The following PARD3B variants were observed in gnomAD, a reference collection of about 807,000 sequenced individuals.
The protein encoded by PARD3B is par-3 family cell polarity regulator beta.
PARD3B carries 103 observed loss-of-function variants against 130.2 expected under a neutral mutation model. That is an observed-to-expected ratio of 0.79 (90% CI 0.67 to 0.93). PARD3B has a LOEUF of 0.93. Ranked by LOEUF, PARD3B falls within the 40% of genes least tolerant of loss-of-function variation. PARD3B has a pLI of 0.00. For synonymous variants in PARD3B, 583 were observed against 553.2 expected (o/e 1.05, Z -0.76); for missense variants, 1,609 against 1,499.2 (o/e 1.07, Z -1.21).
intron 1 of PARD3B, 25 bp downstream of exon 1, chr2:204,546,144 G>A: frequency 1.3e-6 from 2 of 1,550,300 alleles, no homozygotes; most frequent in Non-Finnish European, 1.7e-6. Flanking sequence ...GAGGAGTGGG[G>A]CGCGGCTGCA....
At chr2:204,869,109 A>G (rs994135548) in intron 2 of PARD3B, among the ~76,000 whole-genome samples, 1 of 152,116 alleles carries the variant, frequency 6.6e-6, no homozygotes, top group Non-Finnish European at 1.5e-5. Flanking sequence ...TCAATTATCT[A>G]CTTTATACAG....
intron 2 of PARD3B, among the ~76,000 whole-genome samples, chr2:204,751,518 T>A (rs1261893814): frequency 6.6e-6 from 1 of 152,178 alleles, no homozygotes; most frequent in African/African-American, 2.4e-5. Flanking sequence ...TCTCCAAACT[T>A]CCCTCCAGAT....
At chr2:205,480,157 G>C (rs976242905) in intron 20 of PARD3B, among the ~76,000 whole-genome samples, 2 of 151,946 alleles carry the variant, frequency 1.3e-5, no homozygotes, top group Admixed American at 6.6e-5. Context: ...CACCCGCCTC[G>C]GCCTCCCAGA....
intron 2 of PARD3B, among the ~76,000 whole-genome samples, chr2:204,860,256 A>G (rs79051331): frequency 0.1 from 15,676 of 152,152 alleles, 1,082 homozygotes; most frequent in Non-Finnish European, 0.15. Context: ...CAAATTGTTG[A>G]GCTTTTTGCC....
intron 3 of PARD3B, among the ~76,000 whole-genome samples, chr2:205,039,958 T>C (rs1259549475): frequency 6.6e-6 from 1 of 152,100 alleles, no homozygotes; most frequent in Non-Finnish European, 1.5e-5. Flanking sequence ...TTCTTTTTTT[T>C]GTTTGTTGTG....
chr2:205,583,557 C>T (rs2054082714), intron 22 of PARD3B, among the ~76,000 whole-genome samples: 2 of 152,308 alleles, frequency 1.3e-5, no homozygotes, highest in East Asian at 3.9e-4. Flanking sequence ...CTGTTCTAAG[C>T]ATGTTATGTG....
intron 19 of PARD3B, among the ~76,000 whole-genome samples, chr2:205,437,798 A>G (rs567710612): frequency 1.3e-5 from 2 of 152,316 alleles, no homozygotes; most frequent in Non-Finnish European, 2.9e-5. Context: ...CAGTTTGCTC[A>G]GAAGAATGGG....
At chr2:205,453,077 A>T (rs917456761) in intron 20 of PARD3B, among the ~76,000 whole-genome samples, 1 of 152,198 alleles carries the variant, frequency 6.6e-6, no homozygotes, top group African/African-American at 2.4e-5. Context: ...ACATAAAATA[A>T]CACAAAGAGA....
chr2:205,451,088 G>A (rs990021253), intron 20 of PARD3B, among the ~76,000 whole-genome samples: 4 of 152,164 alleles, frequency 2.6e-5, no homozygotes, highest in Non-Finnish European at 5.9e-5. Context: ...TGATACACAT[G>A]TGTCTCGCCC....
At chr2:205,308,596 C>T (rs1248387098) in intron 18 of PARD3B, among the ~76,000 whole-genome samples, 1 of 98,788 alleles carries the variant, frequency 1.0e-5, no homozygotes, top group Non-Finnish European at 2.0e-5. Flanking sequence ...GAGAGCGAGA[C>T]TCCGTCTCAA....
chr2:204,653,640 A>G (rs2125172043), intron 1 of PARD3B, among the ~76,000 whole-genome samples: 1 of 150,700 alleles, frequency 6.6e-6, no homozygotes, highest in East Asian at 1.9e-4. Flanking sequence ...AAAATACAAA[A>G]ATTAGCCAGG....
chr2:205,603,652 T>C (rs1469369158), intron 22 of PARD3B, among the ~76,000 whole-genome samples: 1 of 152,216 alleles, frequency 6.6e-6, no homozygotes, highest in Non-Finnish European at 1.5e-5. Context: ...GTCTGTTTTG[T>C]CAGAAACCAG....
intron 1 of PARD3B, among the ~76,000 whole-genome samples, chr2:204,565,045 T>C (rs1006659531): frequency 5.9e-5 from 9 of 152,178 alleles, no homozygotes; most frequent in African/African-American, 1.9e-4. Flanking sequence ...CTGGGAAGAA[T>C]CTGCTCCAAG....
intron 3 of PARD3B, among the ~76,000 whole-genome samples, chr2:204,996,581 G>T (rs1694201986): frequency 6.6e-6 from 1 of 151,588 alleles, no homozygotes; most frequent in Admixed American, 6.6e-5. Flanking sequence ...GAGGCAGGCA[G>T]GCCTCCTTGA....
intron 2 of PARD3B, among the ~76,000 whole-genome samples, chr2:204,950,114 C>T (rs924885633): frequency 6.6e-6 from 1 of 152,140 alleles, no homozygotes; most frequent in African/African-American, 2.4e-5. Context: ...GAGGTAGGCA[C>T]AGAATAATGT....
In PARD3B at chr2:204,667,938, G is replaced by A. The variant is rs750558872; in HGVS notation, c.121-18243G>A. Among the ~76,000 whole-genome samples the A allele has an allele frequency of 7.4e-4, 112 of 152,166 alleles. 2 individuals are homozygous for A. Among genetic ancestry groups the A allele is most frequent in the East Asian group, 3.9e-4 (2 of 5,186 alleles). ...ACAAATAAGAAAAAGTATGCCTAAC[G>A]AGGTGTATATATAAAGAGAGTTAAA... On this transcript the variant is annotated intron_variant, in intron 1 of 22. Coordinates refer to ENST00000406610, the MANE Select transcript of PARD3B (RefSeq NM_001302769.2).
chr2:205,406,312 TG>T (rs2046414840), intron 19 of PARD3B, among the ~76,000 whole-genome samples: 1 of 152,202 alleles, frequency 6.6e-6, no homozygotes, highest in African/African-American at 2.4e-5. Flanking sequence ...ATTTGTCTCT[TG>T]AAGATACTAA....
chr2:204,627,802 T>TAAAAACTACTCTTTCATC (rs1348674952), intron 1 of PARD3B, among the ~76,000 whole-genome samples: 1 of 152,180 alleles, frequency 6.6e-6, no homozygotes, highest in Admixed American at 6.5e-5. Context: ...AGCATTTCAT[T>TAAAAACTACTCTTTCATC]AAAAACTACT....
chr2:204,799,410 C>T lies in PARD3B; in HGVS notation c.222+113128C>T, dbSNP rs149693723. Among the ~76,000 whole-genome samples, 126 of 152,278 alleles carry T rather than the reference C, an allele frequency of 8.3e-4. No individual in the cohort carries two copies. The highest frequency in any genetic ancestry group is 2.9e-3 in the African/African-American group (121 of 41,558). On this transcript the variant is annotated intron_variant, in intron 2 of 22. Transcript: ENST00000406610. The surrounding 1 kb of genome is among the most constrained non-coding windows in gnomAD (Gnocchi z 4.1). ...CTGACTCCAGGTGCTGGCTTCTGGACAGCATTCCTGGAGGTACCCTGGATC... is the reference window on the plus strand; with the variant it reads ...CTGACTCCAGGTGCTGGCTTCTGGATAGCATTCCTGGAGGTACCCTGGATC...
Sources: gnomAD v4.1 joint callset for allele counts (sites outside exome capture counted in the v4.1 genomes callset) on GRCh38, gnomAD v4.1.1 for gene constraint, Gnocchi (gnomAD v3.1) non-coding constraint, MANE v1.5 for transcripts, NCBI Gene and HGNC (gene_info 2026-07-23, HGNC 2026-07-21) for gene names.